Variants in SLC4A5 observed in about 807,000 individuals in gnomAD.
SLC4A5 encodes solute carrier family 4 member 5.
SLC4A5 carries 96 observed loss-of-function variants against 120.4 expected under a neutral mutation model. The observed-to-expected ratio is 0.80, with a 90% CI of 0.68 to 0.94. The LOEUF (loss-of-function observed/expected upper bound fraction) is 0.94, where lower values mean the gene tolerates loss of function less well. Among genes scored for constraint, SLC4A5 ranks in the 40% least tolerant of loss-of-function variants. The probability of loss-of-function intolerance (pLI) is 0.00; values close to 1 mark genes in which losing one functional copy is unlikely to be tolerated. For synonymous variants in SLC4A5, 550 were observed against 571.1 expected (o/e 0.96, Z 0.53); for missense variants, 1,259 against 1,459.5 (o/e 0.86, Z 2.24).
chr2:74,264,314 T>G lies in SLC4A5; in HGVS notation c.563-15A>C. ...AATGACATCATCTGTGTGGAAAACA[T>G]ACACACCTCATCCCTGTGGGACAGA... On this transcript the variant is annotated splice_polypyrimidine_tract_variant and intron_variant, in intron 9 of 30. Transcript: ENST00000394019. The G allele has an allele frequency of 6.2e-7, 1 of 1,611,724 alleles. No individual in the cohort carries two copies. The highest frequency in any genetic ancestry group is 2.2e-5 in the East Asian group (1 of 44,846).
At chr2:74,318,648 A>G (rs1269224831) in intron 5 of SLC4A5, among the ~76,000 whole-genome samples, 1 of 151,238 alleles carries the variant, frequency 6.6e-6, no homozygotes, top group Non-Finnish European at 1.5e-5. Flanking sequence ...GTGCCACTGC[A>G]CTCCAGCCTG....
At chr2:74,254,690 G>A (rs200346496) in exon 14 of SLC4A5, 1 of 1,613,516 alleles carries the variant, frequency 6.2e-7, no homozygotes, top group Non-Finnish European at 8.5e-7. Context: ...GAAGGTCCCA[G>A]TAGTATAAAC....
At chr2:74,276,957 A>G (rs1036401479) in intron 8 of SLC4A5, among the ~76,000 whole-genome samples, 1 of 152,136 alleles carries the variant, frequency 6.6e-6, no homozygotes, top group Non-Finnish European at 1.5e-5. Flanking sequence ...AGATGCCCTG[A>G]GAGAAGCAGA....
chr2:74,223,002 GCTTT>G (rs755949249), intron 28 of SLC4A5, 50 bp from the exon 29 acceptor site: 54 of 1,356,526 alleles, frequency 4.0e-5, no homozygotes, highest in Admixed American at 6.8e-5. Context: ...CAACAATTTG[GCTTT>G]CTTTTTTTTT....
chr2:74,268,496 T>C (rs939467646), intron 8 of SLC4A5, among the ~76,000 whole-genome samples: 3 of 152,366 alleles, frequency 2.0e-5, no homozygotes, highest in East Asian at 1.9e-4. Context: ...TGTACCATAA[T>C]TGATAGGAAC....
intron 12 of SLC4A5, among the ~76,000 whole-genome samples, chr2:74,258,897 G>T (rs573857215): frequency 6.6e-6 from 1 of 152,312 alleles, no homozygotes; most frequent in Admixed American, 6.5e-5. Context: ...GCTCCTGAAG[G>T]CTCCTCGCCA....
chr2:74,220,364 AT>A (rs1376103857), intron 30 of SLC4A5, among the ~76,000 whole-genome samples: 1 of 151,982 alleles, frequency 6.6e-6, no homozygotes, highest in Non-Finnish European at 1.5e-5. Flanking sequence ...TTGATCTCTG[AT>A]GTTGGCTTTC....
At chr2:74,217,329 A>C (rs1268888633) in exon 31 of SLC4A5, 4 of 152,234 alleles carry the variant, frequency 2.6e-5, no homozygotes, top group Non-Finnish European at 5.9e-5. Context: ...GTGTTCATTA[A>C]ATGTGGATTG....
At chr2:74,327,126 G>C (rs1274078779) in intron 5 of SLC4A5, among the ~76,000 whole-genome samples, 1 of 152,190 alleles carries the variant, frequency 6.6e-6, no homozygotes, top group African/African-American at 2.4e-5. Context: ...TACTAGGGAA[G>C]AAGAGTAAAG....
intron 2 of SLC4A5, chr2:74,339,604 A>G (rs1370464643): frequency 6.6e-6 from 1 of 152,238 alleles, no homozygotes; most frequent in Non-Finnish European, 1.5e-5. Context: ...GTCGGGGCTC[A>G]GGGAACTCTA....
intron 28 of SLC4A5, among the ~76,000 whole-genome samples, chr2:74,223,626 T>C (rs1024602986): frequency 6.6e-6 from 1 of 152,270 alleles, no homozygotes; most frequent in Non-Finnish European, 1.5e-5. Context: ...ATATCATAAT[T>C]CAGAGATTCT....
intron 5 of SLC4A5, 23 bp from the exon 6 acceptor site, chr2:74,315,048 C>G: frequency 6.3e-7 from 1 of 1,581,462 alleles, no homozygotes; most frequent in Non-Finnish European, 8.7e-7. Context: ...AGGAACACAG[C>G]CTCAAAATGT....
intron 4 of SLC4A5, among the ~76,000 whole-genome samples, chr2:74,332,287 C>T (rs13427762): frequency 0.35 from 53,799 of 152,066 alleles, 16,139 homozygotes; most frequent in East Asian, 0.82. Context: ...TACTGCCCTA[C>T]GATTCTATGT....
At chr2:74,312,292 C>T (rs555257274) in intron 6 of SLC4A5, among the ~76,000 whole-genome samples, 12 of 150,646 alleles carry the variant, frequency 8.0e-5, no homozygotes, top group African/African-American at 2.9e-4. Flanking sequence ...TTTTTTGAGA[C>T]AGAGTCTTGC....
intron 8 of SLC4A5, 150 bp from the exon 9 acceptor site, chr2:74,265,414 G>A: frequency 4.4e-6 from 4 of 906,250 alleles, no homozygotes; most frequent in South Asian, 1.8e-5. Flanking sequence ...GATCTCTTGG[G>A]GATCCCCTCA....
At chr2:74,291,010 C>T (rs1185882803) in intron 7 of SLC4A5, among the ~76,000 whole-genome samples, 2 of 152,318 alleles carry the variant, frequency 1.3e-5, no homozygotes, top group East Asian at 3.9e-4. Flanking sequence ...CTCCACCACA[C>T]AGCCCCAAAG....
chr2:74,245,879 G>T (rs527707987), intron 19 of SLC4A5, among the ~76,000 whole-genome samples: 133 of 152,328 alleles, frequency 8.7e-4, no homozygotes, highest in Non-Finnish European at 7.2e-4. Flanking sequence ...TCGGGGTATA[G>T]ATTTGGAAAC....
At chr2:74,238,074 C>T (rs886831756) in intron 21 of SLC4A5, among the ~76,000 whole-genome samples, 11 of 152,054 alleles carry the variant, frequency 7.2e-5, no homozygotes, top group Non-Finnish European at 1.3e-4. Flanking sequence ...TTCACTCCCA[C>T]CTGGGTGACA....
At chr2:74,222,818 A>T in intron 29 of SLC4A5, 50 bp downstream of exon 29, 1 of 1,471,104 alleles carries the variant, frequency 6.8e-7, no homozygotes, top group Non-Finnish European at 9.5e-7. Flanking sequence ...TAGGGGAAAG[A>T]CATGGAGGAC....
Sources: allele counts gnomAD v4.1 joint callset (sites outside exome capture counted in the v4.1 genomes callset), GRCh38; gene constraint gnomAD v4.1.1; transcripts MANE v1.5; gene names NCBI Gene and HGNC (gene_info 2026-07-23, HGNC 2026-07-21).